Variants in NHS observed in about 807,000 individuals in gnomAD.
NHS encodes actin remodeling regulator NHS.
In NHS, 5 loss-of-function variants were observed where a neutral mutation model predicts 72.5. That is an observed-to-expected ratio of 0.07 (90% CI 0.04 to 0.14). The LOEUF (loss-of-function observed/expected upper bound fraction) is 0.14, where lower values mean the gene tolerates loss of function less well. Ranked by LOEUF, NHS falls within the 10% of genes least tolerant of loss-of-function variation. The probability of loss-of-function intolerance (pLI) is 1.00; values close to 1 mark genes in which losing one functional copy is unlikely to be tolerated. For missense variants in NHS, 1,072 were observed against 1,355.7 expected (o/e 0.79, Z 3.29); for synonymous variants, 464 against 547.7 (o/e 0.85, Z 2.13).
At chrX:17,661,525 C>G (rs978421114) in intron 1 of NHS, among the ~76,000 whole-genome samples, 1 of 111,301 alleles carries the variant, frequency 9.0e-6, no homozygotes, top group Non-Finnish European at 1.9e-5. Context: ...TCACACATTC[C>G]GAGGGGATTC....
In NHS at chrX:17,727,623, G is replaced by A. The variant is rs1036259881; in HGVS notation, c.3517G>A (p.Ala1173Thr). ...TTTAGAGGAAAGCACACTCACAACGGCTGCCTTGTCTCCAAGTAAGATTAG... is the reference window on the plus strand; with the variant it reads ...TTTAGAGGAAAGCACACTCACAACGACTGCCTTGTCTCCAAGTAAGATTAG... ...PYLEESTLTT[A>T]ALSPSKIRPH... The change falls in exon 7 of 9, where the codon GCT (alanine) becomes ACT (threonine). Residue 1173 changes from alanine to threonine, a missense_variant. Coordinates refer to ENST00000676302, the MANE Select transcript of NHS (RefSeq NM_001291867.2). 8.3e-7 allele frequency: 1 copy of A among 1,211,097 alleles called. No individual in the cohort carries two copies. Among genetic ancestry groups the A allele is most frequent in the Non-Finnish European group, 1.1e-6 (1 of 895,023 alleles).
chrX:17,634,179 G>T (rs774976243), intron 1 of NHS, among the ~76,000 whole-genome samples: 2 of 112,166 alleles, frequency 1.8e-5, no homozygotes, highest in Non-Finnish European at 3.8e-5. Context: ...TTTCTCTGAG[G>T]TTCCAGCCAG....
In NHS at chrX:17,728,155, A is replaced by C. The variant is rs144463270; in HGVS notation, c.4049A>C (p.His1350Pro). Residue 1350 changes from histidine to proline, a missense_variant, in exon 7 of 9, where the codon CAT (histidine) becomes CCT (proline). By Grantham distance (77) the His-to-Pro change is moderately conservative (BLOSUM62 -2). Transcript: ENST00000676302. The part of the protein sequence containing the change: ...FKHQFVMSRH[H>P]DKVPGTISYE... Reference sequence around the variant, plus strand: ...CATCAATTTGTTATGAGCCGCCACCATGACAAAGTGCCTGGTACTATCAGC... The same window carrying C: ...CATCAATTTGTTATGAGCCGCCACCCTGACAAAGTGCCTGGTACTATCAGC... 5.8e-6 allele frequency: 7 copies of C among 1,210,164 alleles called. No homozygotes were observed. The East Asian group carries it at 2.1e-4, about 36-fold the overall frequency.
chrX:17,434,477 T>TCTGTCACC (rs1185212432), intron 1 of NHS, among the ~76,000 whole-genome samples: 1 of 96,023 alleles, frequency 1.0e-5, no homozygotes, highest in African/African-American at 4.0e-5. Flanking sequence ...AGAGTCTTGC[T>TCTGTCACC]CTGTCACCCA....
chrX:17,394,085 A>G (rs191255774), intron 1 of NHS, among the ~76,000 whole-genome samples: 1 of 111,164 alleles, frequency 9.0e-6, no homozygotes, highest in African/African-American at 3.3e-5. Context: ...TGAGGGGTGA[A>G]TGTTTTAGTC....
chrX:17,524,308 C>T (rs1482198460), intron 1 of NHS, among the ~76,000 whole-genome samples: 1 of 111,855 alleles, frequency 8.9e-6, no homozygotes, highest in Admixed American at 9.5e-5. Context: ...ACTCCCTTTA[C>T]CCCTTGCATT....
intron 1 of NHS, among the ~76,000 whole-genome samples, chrX:17,457,392 C>A (rs2064829688): frequency 9.0e-6 from 1 of 111,049 alleles, no homozygotes; most frequent in African/African-American, 3.3e-5. Context: ...AAGGGAGTCA[C>A]CTGGCATCAC....
chrX:17,383,061 C>T (rs1483130553), intron 1 of NHS, among the ~76,000 whole-genome samples: 1 of 112,086 alleles, frequency 8.9e-6, no homozygotes, highest in Non-Finnish European at 1.9e-5. Flanking sequence ...TAGGACTGAG[C>T]TCCAGTTACC....
Position 17,375,807 on chromosome X carries a change from G to A in NHS, c.50G>A (p.Arg17Gln), listed in dbSNP as rs1695898206. The A allele has an allele frequency of 8.7e-7, 1 of 1,152,229 alleles. No individual in the cohort carries two copies. Among genetic ancestry groups the A allele is most frequent in the African/African-American group, 1.8e-5 (1 of 56,249 alleles). The allele number at this position is 1,152,229 out of a possible 1,213,427, so 95.0% of individuals were successfully genotyped here. Residue 17 changes from arginine to glutamine, a missense_variant, in exon 1 of 9, where the codon CGG (arginine) becomes CAG (glutamine). Coordinates refer to ENST00000676302, the MANE Select transcript of NHS (RefSeq NM_001291867.2). ...GAGCCGCAATGGCTGTGCAGGCAGC[G>A]GCGCCCTGCGCCCGGCCCAGCAGTG... is the stretch of plus-strand genomic sequence containing the variant. ...IVEPQWLCRQ[R>Q]RPAPGPAVDA...
Position 17,724,394 on chromosome X carries a change from A to G in NHS, c.1204A>G (p.Ile402Val). Residue 402 changes from isoleucine (I) to valine (V), a missense_variant, in exon 6 of 9, where the codon ATC becomes GTC. Transcript: ENST00000676302. ...RRRKLRRRKT[I>V]SGIPRRVQQE... is the part of the protein sequence containing the mutation. Reference sequence around the variant, plus strand: ...ACGAAAATTGAGGAGGAGGAAAACCATCTCGGGTATCCCCAGAAGAGTTCA... The same window carrying G: ...ACGAAAATTGAGGAGGAGGAAAACCGTCTCGGGTATCCCCAGAAGAGTTCA... The G allele has an allele frequency of 1.7e-6, 2 of 1,211,950 alleles. No homozygotes were observed. Among genetic ancestry groups the G allele is most frequent in the Non-Finnish European group, 1.1e-6 (1 of 895,526 alleles).
intron 1 of NHS, among the ~76,000 whole-genome samples, chrX:17,408,818 G>A (rs2064542014): frequency 8.9e-6 from 1 of 112,006 alleles, no homozygotes; most frequent in African/African-American, 3.2e-5. Flanking sequence ...TCATGGTTCT[G>A]GAGGCTGAGA....
intron 1 of NHS, among the ~76,000 whole-genome samples, chrX:17,599,544 C>T (rs1354689766): frequency 9.0e-6 from 1 of 110,707 alleles, no homozygotes; most frequent in Non-Finnish European, 1.9e-5. Context: ...ACCCTATTAA[C>T]ATCTTACATT....
At chrX:17,577,756 A>G (rs749356906) in intron 1 of NHS, among the ~76,000 whole-genome samples, 27 of 111,860 alleles carry the variant, frequency 2.4e-4, no homozygotes, top group Middle Eastern at 4.6e-3. Flanking sequence ...ATGAAGAAAT[A>G]TGGAAACTGA....
chrX:17,415,112 C>T (rs1331069881), intron 1 of NHS, among the ~76,000 whole-genome samples: 2 of 111,490 alleles, frequency 1.8e-5, no homozygotes, highest in Non-Finnish European at 3.8e-5. Context: ...GCACCAAGAA[C>T]AAGCAAATGT....
At chrX:17,621,157 C>T (rs1043040960) in intron 1 of NHS, among the ~76,000 whole-genome samples, 5 of 112,477 alleles carry the variant, frequency 4.4e-5, no homozygotes, top group Non-Finnish European at 9.4e-5. Context: ...TCTGGAACCG[C>T]TTGGGAGGTA....
chrX:17,539,683 C>G (rs2146950882), intron 1 of NHS, among the ~76,000 whole-genome samples: 1 of 111,268 alleles, frequency 9.0e-6, no homozygotes, highest in African/African-American at 3.3e-5. Context: ...CCTAGCAGAC[C>G]TTGGTTGGAA....
rs919430954 is a variant in NHS, at chrX:17,375,545, G to C, written c.-213G>C. ...GCGCTTGTCATCCTCCCCAGGGAAC[G>C]GTGCACCCAAAGGAGGACTGGCTGG... is the stretch of plus-strand genomic sequence containing the variant. On this transcript the variant is annotated 5_prime_UTR_variant, in exon 1 of 9. Coordinates refer to ENST00000676302, the MANE Select transcript of NHS (RefSeq NM_001291867.2). 1 of 424,154 alleles carries C rather than the reference G, an allele frequency of 2.4e-6. No homozygotes were observed. The highest frequency in any genetic ancestry group is 4.1e-6 in the Non-Finnish European group (1 of 244,803). The allele number at this position is 424,154 out of a possible 1,213,427, so 35.0% of individuals were successfully genotyped here.
At chrX:17,445,104 G>A (rs1026057103) in intron 1 of NHS, among the ~76,000 whole-genome samples, 3 of 110,933 alleles carry the variant, frequency 2.7e-5, no homozygotes, top group Non-Finnish European at 5.7e-5. Flanking sequence ...ATGTGCTATC[G>A]GCTGGTTGTG....
chrX:17,584,411 C>T (rs1365111934), intron 1 of NHS, among the ~76,000 whole-genome samples: 4 of 111,880 alleles, frequency 3.6e-5, no homozygotes, highest in Non-Finnish European at 7.5e-5. Context: ...TTTCCTCTTG[C>T]CTGCTGCCTT....
Sources: gnomAD v4.1 joint callset for allele counts (sites outside exome capture counted in the v4.1 genomes callset) on GRCh38, gnomAD v4.1.1 for gene constraint, MANE v1.5 for transcripts, NCBI Gene and HGNC (gene_info 2026-07-23, HGNC 2026-07-21) for gene names.